AHI1: variants seen among roughly 807,000 people sequenced by gnomAD.
AHI1 encodes the protein Abelson helper integration site 1, also known as jouberin.
A neutral mutation model predicts 149.3 loss-of-function variants in AHI1; 123 were observed. That is an observed-to-expected ratio of 0.82 (90% CI 0.71 to 0.96). The LOEUF is 0.96. Ranked by LOEUF, AHI1 falls within the 40% of genes least tolerant of loss-of-function variation. AHI1 has a pLI of 0.00. For missense variants in AHI1, 1,439 were observed against 1,422.7 expected, an observed-to-expected ratio of 1.01 and a Z score of -0.18; for synonymous variants, 475 against 459.8, an observed-to-expected ratio of 1.03 and a Z score of -0.42.
At chr6:135,341,243 G>A (rs1261689002) in intron 24 of AHI1, among the ~76,000 whole-genome samples, 1 of 151,992 alleles carries the variant, frequency 6.6e-6, no homozygotes, top group Admixed American at 6.5e-5. Flanking sequence ...ATACAAGACT[G>A]TTGAAAAATG....
At chr6:135,400,244 T>C (rs966675833) in intron 22 of AHI1, among the ~76,000 whole-genome samples, 7 of 152,156 alleles carry the variant, frequency 4.6e-5, no homozygotes, top group African/African-American at 1.7e-4. Flanking sequence ...TATCCAAATA[T>C]ACGTTTTAAA....
chr6:135,369,381 T>C (rs2128453846), intron 23 of AHI1, among the ~76,000 whole-genome samples: 1 of 152,356 alleles, frequency 6.6e-6, no homozygotes, highest in African/African-American at 2.4e-5. Flanking sequence ...CTCTGTGCAC[T>C]GCTCTGTCCG....
intron 5 of AHI1, among the ~76,000 whole-genome samples, chr6:135,485,073 CT>C (rs1184120839): frequency 0.055 from 7,867 of 142,872 alleles, 419 homozygotes; most frequent in African/African-American, 0.15. Context: ...TGTACAATTT[CT>C]TTTTTTTTTT....
chr6:135,303,982 A>AT (rs1248911939), intron 26 of AHI1, among the ~76,000 whole-genome samples: 1 of 152,224 alleles, frequency 6.6e-6, no homozygotes, highest in Non-Finnish European at 1.5e-5. Context: ...AAATATTCAC[A>AT]TAAGTTTGAA....
chr6:135,493,591 A>G (rs1174305211), intron 3 of AHI1, among the ~76,000 whole-genome samples: 1 of 152,214 alleles, frequency 6.6e-6, no homozygotes, highest in Admixed American at 6.5e-5. Context: ...TAGAAAAGAG[A>G]AGCTGCAAAG....
intron 23 of AHI1, among the ~76,000 whole-genome samples, chr6:135,392,591 T>C (rs1182096061): frequency 2.0e-5 from 3 of 152,216 alleles, no homozygotes; most frequent in African/African-American, 7.2e-5. Flanking sequence ...TTCAGTGAGA[T>C]TTTTATTTTT....
At chr6:135,468,698 C>A (rs907733286) in intron 5 of AHI1, among the ~76,000 whole-genome samples, 1 of 152,082 alleles carries the variant, frequency 6.6e-6, no homozygotes, top group African/African-American at 2.4e-5. Flanking sequence ...ATGCAGACAA[C>A]CATCAGAGAA....
chr6:135,465,694 G>T, intron 7 of AHI1, 120 bp downstream of exon 7: 2 of 799,342 alleles, frequency 2.5e-6, no homozygotes, highest in Non-Finnish European at 3.6e-6. Context: ...TTATCTTAGT[G>T]ACAATGTCTC....
chr6:135,477,660 ACTCTCT>A (rs140797151), intron 5 of AHI1, among the ~76,000 whole-genome samples: 1 of 145,826 alleles, frequency 6.9e-6, no homozygotes, highest in East Asian at 2.0e-4. Context: ...CCTCCTTCGC[ACTCTCT>A]CTCTCTCTCT....
chr6:135,358,326 G>A, intron 23 of AHI1, 139 bp from the exon 24 acceptor site: 2 of 748,668 alleles, frequency 2.7e-6, no homozygotes, highest in Non-Finnish European at 4.5e-6. Flanking sequence ...TGGAAGGCAA[G>A]ATCCTTTTAA....
At chr6:135,469,983 C>T (rs896876855) in intron 5 of AHI1, among the ~76,000 whole-genome samples, 1 of 152,070 alleles carries the variant, frequency 6.6e-6, no homozygotes, top group African/African-American at 2.4e-5. Flanking sequence ...AATTAAACTA[C>T]AGAGCTTCTG....
chr6:135,482,053 T>G (rs1415612602), intron 5 of AHI1, among the ~76,000 whole-genome samples: 1 of 152,132 alleles, frequency 6.6e-6, no homozygotes, highest in Non-Finnish European at 1.5e-5. Flanking sequence ...TTTTTCATAT[T>G]TCTTCATTTA....
At position 135,453,207 on chromosome 6, in the gene AHI1, A is replaced by G. The variant is rs138882544; in HGVS notation, c.1440+134T>C. The G allele has an allele frequency of 3.6e-4, 264 of 725,858 alleles. 1 individual carries two copies. In the East Asian group the frequency reaches 4.2e-3, roughly 11 times the overall value. 45.0% of individuals were successfully genotyped at this position (725,858 alleles called of 1,614,324 possible). A position where few individuals can be genotyped will look rare whatever the true frequency, so the allele number is the denominator to read the frequency against. ...CTGAATGAGCATAACCTGAGCTTGAATTAGTAACTCTTCATCCCTACAACA... is the reference window on the plus strand; with the variant it reads ...CTGAATGAGCATAACCTGAGCTTGAGTTAGTAACTCTTCATCCCTACAACA... On this transcript the variant is annotated intron_variant, in intron 11 of 28. Transcript: ENST00000265602.
intron 15 of AHI1, among the ~76,000 whole-genome samples, 169 bp downstream of exon 15, chr6:135,438,206 A>T (rs1785701749): frequency 6.6e-6 from 1 of 152,236 alleles, no homozygotes; most frequent in South Asian, 2.1e-4. Flanking sequence ...AAATGTCTTT[A>T]AAAAGTGTTA....
chr6:135,489,032 C>T (rs776908161), intron 5 of AHI1, among the ~76,000 whole-genome samples: 6 of 152,032 alleles, frequency 3.9e-5, no homozygotes, highest in Non-Finnish European at 8.8e-5. Flanking sequence ...TAGAAGAGTG[C>T]CTAAAGATAG....
chr6:135,388,061 A>G (rs763343744), intron 23 of AHI1: 1 of 1,612,222 alleles, frequency 6.2e-7, no homozygotes, highest in Non-Finnish European at 8.5e-7. Context: ...GTCGTTAAAA[A>G]CTGCATAATA....
At chr6:135,361,645 T>TCACACACACACA (rs57786531) in intron 23 of AHI1, among the ~76,000 whole-genome samples, 32 of 133,898 alleles carry the variant, frequency 2.4e-4, no homozygotes, top group African/African-American at 6.1e-4. Flanking sequence ...AGGTATGGTT[T>TCACACACACACA]CACACACACA....
At chr6:135,289,303 C>A (rs1452055362) in intron 28 of AHI1, among the ~76,000 whole-genome samples, 1 of 151,838 alleles carries the variant, frequency 6.6e-6, no homozygotes, top group Non-Finnish European at 1.5e-5. Flanking sequence ...CAAGACCAGC[C>A]TGGGAAACAT....
Position 135,433,269 on chromosome 6 carries a change from A to G in AHI1, c.2037-13T>C. On this transcript the variant is annotated splice_polypyrimidine_tract_variant and intron_variant, in intron 15 of 28. Coordinates refer to ENST00000265602, the MANE Select transcript of AHI1 (RefSeq NM_001134831.2). ...ATTTTTCCATATCCTGGAAAAGGAT[A>G]AGAAGTTACATATTGCTTCTGAAAA... 1 of 1,561,730 alleles carries G rather than the reference A, an allele frequency of 6.4e-7. No individual in the cohort carries two copies. Among genetic ancestry groups the G allele is most frequent in the East Asian group, 2.2e-5 (1 of 44,482 alleles).
Sources: allele counts gnomAD v4.1 joint callset (sites outside exome capture counted in the v4.1 genomes callset), GRCh38; gene constraint gnomAD v4.1.1; transcripts MANE v1.5; gene names NCBI Gene and HGNC (gene_info 2026-07-23, HGNC 2026-07-21).